GPATCH8: variants seen among roughly 807,000 people sequenced by gnomAD.
GPATCH8 encodes the protein G-patch domain containing 8.
Under a neutral mutation model 118.3 loss-of-function variants are expected in GPATCH8, and 18 were observed. The observed-to-expected ratio is 0.15, with a 90% CI of 0.11 to 0.23. The LOEUF (loss-of-function observed/expected upper bound fraction) is 0.23. Ranked by LOEUF, GPATCH8 falls within the 10% of genes least tolerant of loss-of-function variation. GPATCH8 has a pLI of 1.00. For synonymous variants in GPATCH8, 659 were observed against 684.7 expected (o/e 0.96, Z 0.59); for missense variants, 1,631 against 1,873.8 (o/e 0.87, Z 2.39).
chr17:44,475,018 G>T, intron 1 of GPATCH8, 115 bp from the exon 2 acceptor site: 1 of 676,334 alleles, frequency 1.5e-6, no homozygotes. Flanking sequence ...TAACCTAAAA[G>T]GACACTGCAA....
chr17:44,418,801 TG>T (rs1410776325), intron 6 of GPATCH8, among the ~76,000 whole-genome samples: 1 of 152,210 alleles, frequency 6.6e-6, no homozygotes, highest in Non-Finnish European at 1.5e-5. Context: ...AATTAACTCA[TG>T]TAAAAAGGAA....
chr17:44,490,147 A>G (rs2144466019), intron 1 of GPATCH8, among the ~76,000 whole-genome samples: 1 of 152,080 alleles, frequency 6.6e-6, no homozygotes, highest in South Asian at 2.1e-4. Flanking sequence ...ATTTTTTTTA[A>G]TTTTTGTAAA....
At chr17:44,411,681 C>A (rs1002404875) in intron 6 of GPATCH8, among the ~76,000 whole-genome samples, 1 of 152,136 alleles carries the variant, frequency 6.6e-6, no homozygotes, top group East Asian at 1.9e-4. Context: ...TTATCCATGG[C>A]GTCTTTCCCT....
intron 1 of GPATCH8, among the ~76,000 whole-genome samples, chr17:44,481,006 C>T (rs1431735982): frequency 6.6e-6 from 1 of 152,196 alleles, no homozygotes; most frequent in Admixed American, 6.5e-5. Flanking sequence ...CTCCTTGGGG[C>T]TTAAGCAATC....
chr17:44,412,403 T>C (rs912175956), intron 6 of GPATCH8, among the ~76,000 whole-genome samples: 1 of 152,166 alleles, frequency 6.6e-6, no homozygotes, highest in Non-Finnish European at 1.5e-5. Flanking sequence ...TTTCATTTTT[T>C]TGAGACAGAG....
At chr17:44,424,300 G>T (rs748743311) in intron 6 of GPATCH8, 49 bp downstream of exon 6, 8 of 1,322,572 alleles carry the variant, frequency 6.0e-6, no homozygotes, top group Non-Finnish European at 6.6e-6. Flanking sequence ...TCCAATTGTT[G>T]TAACAATAGA....
At chr17:44,467,081 G>C (rs1323235600) in intron 2 of GPATCH8, 1 of 1,228,118 alleles carries the variant, frequency 8.1e-7, no homozygotes, top group Non-Finnish European at 1.1e-6. Flanking sequence ...TGGAGTGAAA[G>C]CATTTCCATA....
chr17:44,402,385 A>G (rs2049060170), intron 7 of GPATCH8, among the ~76,000 whole-genome samples: 1 of 151,598 alleles, frequency 6.6e-6, no homozygotes, highest in Non-Finnish European at 1.5e-5. Context: ...GCCCATCATT[A>G]CTATGTTTCT....
Position 44,414,058 on chromosome 17 carries a change from C to CATATAT in GPATCH8, c.493-8013_493-8008dup, listed in dbSNP as rs3065774. Among the ~76,000 whole-genome samples, 311 of 138,440 alleles carry CATATAT rather than the reference C, an allele frequency of 2.2e-3. 2 individuals are homozygous for CATATAT. The highest frequency in any genetic ancestry group is 7.8e-3 in the African/African-American group (291 of 37,490). 90.8% of individuals were successfully genotyped at this position (138,440 alleles called of 152,430 possible). Reference sequence around the variant, plus strand: ...AGCACCAAGTATGCCTGCTTTAAGGCATATATATATATATATATATATGTG... The same window carrying CATATAT: ...AGCACCAAGTATGCCTGCTTTAAGGCATATATATATATATATATATATATATATGTG... On this transcript the variant is annotated intron_variant, in intron 6 of 7. Transcript: ENST00000591680.
intron 1 of GPATCH8, among the ~76,000 whole-genome samples, chr17:44,494,933 A>C (rs975295547): frequency 6.6e-6 from 1 of 152,164 alleles, no homozygotes; most frequent in African/African-American, 2.4e-5. Flanking sequence ...TGTTTGTTCC[A>C]CTTCTTTACT....
In GPATCH8 at chr17:44,397,242, A is replaced by C. The variant is rs528704127; in HGVS notation, c.*326T>G. 320 of 514,468 alleles carry C rather than the reference A, an allele frequency of 6.2e-4. No individual in the cohort carries two copies. Among genetic ancestry groups the C allele is most frequent in the African/African-American group, 5.8e-3 (301 of 52,304 alleles). The allele number at this position is 514,468 out of a possible 1,614,324, so 31.9% of individuals were successfully genotyped here. On this transcript the variant is annotated 3_prime_UTR_variant, in exon 8 of 8. Transcript: ENST00000591680. The stretch of plus-strand genomic sequence containing the variant: ...TACAGAAGGGAAGAGCAGAGGAAAA[A>C]AGCAGAGGGAGGAGGGGATTATCTA...
intron 6 of GPATCH8, among the ~76,000 whole-genome samples, chr17:44,407,558 A>G (rs1054941280): frequency 1.3e-5 from 2 of 152,158 alleles, no homozygotes; most frequent in African/African-American, 2.4e-5. Context: ...GGAAAAGACC[A>G]TTATGGTATT....
At chr17:44,427,237 G>T (rs994904248) in intron 5 of GPATCH8, among the ~76,000 whole-genome samples, 1 of 151,870 alleles carries the variant, frequency 6.6e-6, no homozygotes, top group African/African-American at 2.4e-5. Context: ...CACTATGCCT[G>T]GCTAATTTTT....
intron 2 of GPATCH8, among the ~76,000 whole-genome samples, chr17:44,472,365 A>T (rs965198432): frequency 6.6e-6 from 1 of 152,230 alleles, no homozygotes; most frequent in African/African-American, 2.4e-5. Flanking sequence ...TGGCAGAAAA[A>T]GTCCTGGACA....
chr17:44,441,633 A>C (rs954866373), intron 3 of GPATCH8, among the ~76,000 whole-genome samples: 4 of 152,022 alleles, frequency 2.6e-5, no homozygotes, highest in African/African-American at 4.8e-5. Flanking sequence ...CTGGGGCAGG[A>C]GAATCACTTT....
At chr17:44,476,669 TC>T (rs1181070098) in intron 1 of GPATCH8, among the ~76,000 whole-genome samples, 1 of 152,190 alleles carries the variant, frequency 6.6e-6, no homozygotes, top group Non-Finnish European at 1.5e-5. Context: ...AACTGATACC[TC>T]CCGGCTTTTC....
At chr17:44,469,204 CAAG>C (rs757227590) in intron 2 of GPATCH8, among the ~76,000 whole-genome samples, 1 of 152,140 alleles carries the variant, frequency 6.6e-6, no homozygotes, top group Non-Finnish European at 1.5e-5. Flanking sequence ...TCTTTGACAA[CAAG>C]AAGTCTGTAT....
At chr17:44,495,927 G>A (rs1969636162) in intron 1 of GPATCH8, among the ~76,000 whole-genome samples, 1 of 152,150 alleles carries the variant, frequency 6.6e-6, no homozygotes, top group Non-Finnish European at 1.5e-5. Flanking sequence ...GAGTGCAATG[G>A]CACAGTATCG....
chr17:44,491,668 G>T (rs988977886), intron 1 of GPATCH8, among the ~76,000 whole-genome samples: 3 of 151,934 alleles, frequency 2.0e-5, no homozygotes, highest in African/African-American at 7.3e-5. Context: ...GGCCACAAAA[G>T]AAGACTCCAT....
Sources: allele counts gnomAD v4.1 joint callset (sites outside exome capture counted in the v4.1 genomes callset), GRCh38; gene constraint gnomAD v4.1.1; transcripts MANE v1.5; gene names NCBI Gene and HGNC (gene_info 2026-07-23, HGNC 2026-07-21).